Variants in EXOG observed in about 807,000 individuals in gnomAD.
The protein encoded by EXOG is exo/endonuclease G.
EXOG carries 27 observed loss-of-function variants against 25.8 expected under a neutral mutation model. The ratio of observed to expected loss-of-function variants is 1.05; its 90% CI spans 0.77 to 1.45. EXOG has a LOEUF of 1.45. Among genes scored for constraint, EXOG ranks in the 40% most tolerant of loss-of-function variants. EXOG has a pLI of 0.00. For missense variants in EXOG, 458 were observed against 450.5 expected (o/e 1.02, Z -0.15); for synonymous variants, 133 against 167.0 (o/e 0.80, Z 1.57).
chr3:38,496,728 T>G, intron 1 of EXOG, 198 bp downstream of exon 1: 1 of 1,447,578 alleles, frequency 6.9e-7, no homozygotes, highest in Non-Finnish European at 9.1e-7. Flanking sequence ...CCTCATGTCC[T>G]TCCTTCCCCC....
At chr3:38,511,274 T>A (rs1018883855) in intron 5 of EXOG, among the ~76,000 whole-genome samples, 3 of 152,172 alleles carry the variant, frequency 2.0e-5, no homozygotes, top group Non-Finnish European at 4.4e-5. Flanking sequence ...CCTGCAGTAT[T>A]GCAGAGGCCT....
rs1342505271 is a variant in EXOG at position 38,526,303 on chromosome 3, A to G, written c.*1941A>G. On this transcript the variant is annotated 3_prime_UTR_variant, in exon 6 of 6. Coordinates refer to ENST00000287675, the MANE Select transcript of EXOG (RefSeq NM_005107.4). Reference sequence around the variant, plus strand: ...TTCAGATAAAGATAAGATGATAATGATTGACATTGTTCTGCTCTTTTATTT... The same window carrying G: ...TTCAGATAAAGATAAGATGATAATGGTTGACATTGTTCTGCTCTTTTATTT... 1 of 953,188 alleles carries G rather than the reference A, an allele frequency of 1.0e-6. No homozygotes were observed. Among genetic ancestry groups the G allele is most frequent in the Non-Finnish European group, 1.2e-6 (1 of 801,102 alleles). 59.0% of individuals were successfully genotyped at this position (953,188 alleles called of 1,614,324 possible). A position where few individuals can be genotyped will look rare whatever the true frequency, so the allele number is the denominator to read the frequency against.
intron 5 of EXOG, among the ~76,000 whole-genome samples, chr3:38,514,265 G>C (rs2060464510): frequency 6.6e-6 from 1 of 152,160 alleles, no homozygotes; most frequent in Non-Finnish European, 1.5e-5. Flanking sequence ...TGTGGAACCT[G>C]GAAGGCCAGT....
In EXOG at chr3:38,524,612, C is replaced by T. The variant is rs1474674734; in HGVS notation, c.*250C>T. ...CTGGGACTACAGGCACACACCATCA[C>T]CCTCAGCTACTAGTGGCTTTGCTTT... is the stretch of plus-strand genomic sequence containing the variant. On this transcript the variant is annotated 3_prime_UTR_variant, in exon 6 of 6. Transcript: ENST00000287675. 6 of 1,168,460 alleles carry T rather than the reference C, an allele frequency of 5.1e-6. No homozygotes were observed. The East Asian group carries it at 2.5e-4, about 48-fold the overall frequency. 72.4% of individuals were successfully genotyped at this position (1,168,460 alleles called of 1,614,324 possible).
chr3:38,496,734 C>T (rs2125741074), intron 1 of EXOG: 3 of 1,444,894 alleles, frequency 2.1e-6, no homozygotes, highest in Admixed American at 2.5e-5. Context: ...GTCCTTCCTT[C>T]CCCCGGGCAT....
At chr3:38,519,702 G>T (rs1405973185) in intron 5 of EXOG, among the ~76,000 whole-genome samples, 1 of 152,178 alleles carries the variant, frequency 6.6e-6, no homozygotes, top group Non-Finnish European at 1.5e-5. Flanking sequence ...GAAAGAGGGT[G>T]CTTGTTTTAC....
chr3:38,497,933 C>A, intron 2 of EXOG, 155 bp downstream of exon 2: 1 of 960,698 alleles, frequency 1.0e-6, no homozygotes, highest in Non-Finnish European at 1.4e-6. Flanking sequence ...ATCAACCCTG[C>A]CTGGCAGCCA....
chr3:38,509,581 C>T (rs1024722356), intron 5 of EXOG, among the ~76,000 whole-genome samples: 3 of 152,078 alleles, frequency 2.0e-5, no homozygotes, highest in Non-Finnish European at 4.4e-5. Context: ...AAAGACTCAG[C>T]GCTTAGAGAA....
At chr3:38,511,308 T>A (rs974603862) in intron 5 of EXOG, among the ~76,000 whole-genome samples, 1 of 152,128 alleles carries the variant, frequency 6.6e-6, no homozygotes, top group African/African-American at 2.4e-5. Flanking sequence ...CTGCCTCCAA[T>A]TGCGTTGGCT....
intron 5 of EXOG, among the ~76,000 whole-genome samples, chr3:38,511,264 C>A (rs2060361393): frequency 6.6e-6 from 1 of 152,142 alleles, no homozygotes; most frequent in African/African-American, 2.4e-5. Context: ...GCTCTGAACA[C>A]CTGCAGTATT....
chr3:38,502,532 T>C (rs1365550986), intron 3 of EXOG, among the ~76,000 whole-genome samples: 1 of 152,230 alleles, frequency 6.6e-6, no homozygotes, highest in East Asian at 1.9e-4. Context: ...AGACATGTTT[T>C]ATTTCTAAAT....
intron 5 of EXOG, among the ~76,000 whole-genome samples, chr3:38,520,124 T>C (rs1164904139): frequency 6.6e-6 from 1 of 152,216 alleles, no homozygotes. Context: ...GAGGCACATT[T>C]ACAGTATGTA....
At chr3:38,504,609 T>A (rs1158578416) in intron 4 of EXOG, among the ~76,000 whole-genome samples, 1 of 152,058 alleles carries the variant, frequency 6.6e-6, no homozygotes, top group African/African-American at 2.4e-5. Context: ...CTAATTTTTG[T>A]ATTTTTAGTA....
chr3:38,523,177 G>C, intron 5 of EXOG: 1 of 1,284,022 alleles, frequency 7.8e-7, no homozygotes, highest in South Asian at 1.2e-5. Flanking sequence ...TTCTAGAGCT[G>C]GGAGTACCCA....
chr3:38,497,566 C>T, intron 1 of EXOG, 63 bp from the exon 2 acceptor site: 1 of 1,519,520 alleles, frequency 6.6e-7, no homozygotes, highest in Non-Finnish European at 8.7e-7. Context: ...TTAAGAGCCA[C>T]TAATTGTGTG....
intron 2 of EXOG, 164 bp from the exon 3 acceptor site, chr3:38,501,191 G>A: frequency 1.7e-6 from 1 of 602,302 alleles, no homozygotes; most frequent in Non-Finnish European, 3.0e-6. Context: ...TCTAAATTCA[G>A]ATGAAGTATC....
At chr3:38,499,715 C>T (rs1376421089) in intron 2 of EXOG, 4 of 454,336 alleles carry the variant, frequency 8.8e-6, no homozygotes, top group African/African-American at 4.0e-5. Context: ...AGTGACCCTC[C>T]TGCCTCAGCC....
At chr3:38,499,650 T>G in intron 2 of EXOG, 2 of 453,846 alleles carry the variant, frequency 4.4e-6, no homozygotes, top group Non-Finnish European at 8.8e-6. Flanking sequence ...TTACCTTTTT[T>G]TTTGAGATGG....
intron 5 of EXOG, among the ~76,000 whole-genome samples, chr3:38,511,810 A>G (rs1461964525): frequency 6.6e-6 from 1 of 152,160 alleles, no homozygotes; most frequent in Non-Finnish European, 1.5e-5. Context: ...TTTATCTGTG[A>G]TATTTGGATA....
Sources: allele counts gnomAD v4.1 joint callset (sites outside exome capture counted in the v4.1 genomes callset), GRCh38; gene constraint gnomAD v4.1.1; transcripts MANE v1.5; gene names NCBI Gene and HGNC (gene_info 2026-07-23, HGNC 2026-07-21).